Variants in NOL10 observed in about 807,000 individuals in gnomAD.
The protein encoded by NOL10 is nucleolar protein 10.
A neutral mutation model predicts 103.5 loss-of-function variants in NOL10; 58 were observed. The observed-to-expected ratio is 0.56, with a 90% confidence interval of 0.45 to 0.70. The LOEUF (loss-of-function observed/expected upper bound fraction) is 0.70. Among genes scored for constraint, NOL10 ranks in the 30% least tolerant of loss-of-function variants. The pLI is 0.00. For missense variants in NOL10, 763 were observed against 807.3 expected (o/e 0.95, Z 0.67); for synonymous variants, 287 against 282.5 (o/e 1.02, Z -0.16).
intron 13 of NOL10, among the ~76,000 whole-genome samples, chr2:10,636,893 A>C (rs1262040898): frequency 6.6e-6 from 1 of 152,082 alleles, no homozygotes; most frequent in Non-Finnish European, 1.5e-5. Context: ...TTGCACCTAA[A>C]TTTGTTTTTG....
At chr2:10,680,150 A>C (rs1360782003) in intron 3 of NOL10, among the ~76,000 whole-genome samples, 1 of 151,896 alleles carries the variant, frequency 6.6e-6, no homozygotes, top group Non-Finnish European at 1.5e-5. Flanking sequence ...GGTGGCGAGC[A>C]CCTGTAGTCC....
Position 10,668,672 on chromosome 2 carries a change from T to C in NOL10, c.516A>G (p.Leu172=), listed in dbSNP as rs746279914. 10 of 1,541,492 alleles carry C rather than the reference T, an allele frequency of 6.5e-6. No homozygotes were observed. The South Asian group carries it at 8.4e-5, about 13-fold the overall frequency. The change falls in exon 7 of 21, where the codon CTA becomes CTG. Residue 172 remains leucine (L), a synonymous_variant. Transcript: ENST00000381685. ...AAACTACTCACGCAGCATCAGTTTG[T>C]AGAGGATTCAGGTATCGTCCTTGTT... ...NLEQGRYLNP[L]QTDAAENNVC...
chr2:10,572,150 T>C lies in NOL10; in HGVS notation c.1988A>G (p.His663Arg). The stretch of plus-strand genomic sequence containing the variant: ...ACGGAGTCTTTTCCTTTCTTGTCGA[T>C]GCAGTTTCTCAGCCTCCTGTTGCTT... ...QKKQQEAEKL[H>R]RQERKRLRRS... is the part of the protein sequence containing the mutation. Residue 663 changes from histidine (H) to arginine (R), a missense_variant, in exon 21 of 21, where the codon CAT becomes CGT. Coordinates refer to ENST00000381685, the MANE Select transcript of NOL10 (RefSeq NM_024894.4). The C allele has an allele frequency of 2.5e-6, 4 of 1,613,978 alleles. No homozygotes were observed. Among genetic ancestry groups the C allele is most frequent in the Non-Finnish European group, 3.4e-6 (4 of 1,179,880 alleles).
chr2:10,623,345 C>T (rs1003177549), intron 13 of NOL10, among the ~76,000 whole-genome samples: 1 of 152,140 alleles, frequency 6.6e-6, no homozygotes, highest in South Asian at 2.1e-4. Flanking sequence ...ACAGACTGAA[C>T]GGACCGGGGC....
intron 17 of NOL10, among the ~76,000 whole-genome samples, chr2:10,594,377 G>A (rs1675554713): frequency 6.6e-6 from 1 of 152,150 alleles, no homozygotes; most frequent in Admixed American, 6.5e-5. Context: ...GAAGGTTCTT[G>A]TAATTCTCTG....
chr2:10,608,860 A>C (rs1035423428), intron 13 of NOL10, among the ~76,000 whole-genome samples: 2 of 152,212 alleles, frequency 1.3e-5, no homozygotes, highest in African/African-American at 4.8e-5. Flanking sequence ...GAGCATATAT[A>C]GTCTTCCACA....
intron 12 of NOL10, among the ~76,000 whole-genome samples, chr2:10,646,468 A>G (rs1679077903): frequency 6.6e-6 from 1 of 152,260 alleles, no homozygotes; most frequent in African/African-American, 2.4e-5. Context: ...ACACAACCAC[A>G]TACGGCTAAT....
intron 9 of NOL10, among the ~76,000 whole-genome samples, chr2:10,660,266 C>G (rs1680111520): frequency 6.6e-6 from 1 of 152,130 alleles, no homozygotes; most frequent in Admixed American, 6.6e-5. Context: ...TATACTTAAT[C>G]ATTTCTTTCA....
intron 17 of NOL10, among the ~76,000 whole-genome samples, chr2:10,596,198 C>T (rs2148175969): frequency 7.3e-6 from 1 of 136,820 alleles, no homozygotes; most frequent in South Asian, 2.3e-4. Context: ...AACAGTGATC[C>T]TCAACCTTTT....
At chr2:10,679,359 CAAA>C (rs535159833) in intron 3 of NOL10, among the ~76,000 whole-genome samples, 5 of 109,358 alleles carry the variant, frequency 4.6e-5, no homozygotes, top group Non-Finnish European at 6.0e-5. Flanking sequence ...AACTCTGCCT[CAAA>C]AAAAAAAAAA....
chr2:10,670,544 G>A (rs1358246914), intron 6 of NOL10, among the ~76,000 whole-genome samples: 1 of 152,114 alleles, frequency 6.6e-6, no homozygotes, highest in South Asian at 2.1e-4. Context: ...AGACCAGCCT[G>A]GCCAACAAGG....
chr2:10,605,440 T>C (rs1676201966), intron 14 of NOL10, among the ~76,000 whole-genome samples: 1 of 152,218 alleles, frequency 6.6e-6, no homozygotes, highest in African/African-American at 2.4e-5. Context: ...TATGGGGAAA[T>C]GATAAAAGCT....
At chr2:10,648,692 C>CTTAAAT (rs1679253132) in intron 12 of NOL10, among the ~76,000 whole-genome samples, 1 of 152,122 alleles carries the variant, frequency 6.6e-6, no homozygotes, top group Admixed American at 6.6e-5. Context: ...TTAATCTAAA[C>CTTAAAT]TTAATTAAGT....
intron 3 of NOL10, among the ~76,000 whole-genome samples, chr2:10,677,752 C>A (rs751763675): frequency 2.0e-5 from 3 of 151,928 alleles, no homozygotes; most frequent in African/African-American, 4.8e-5. Context: ...GAATTACAGG[C>A]GTGAGCCACC....
chr2:10,590,574 AAGGGACGTT>A lies in NOL10; in HGVS notation c.1423-832_1423-824del, dbSNP rs1572247165. On this transcript the variant is annotated intron_variant, in intron 17 of 20. Transcript: ENST00000381685. ...TTCCAGCTGAGTTACTGGGAAACAG[AAGGGACGTT>A]TCCATCCCCTACAGGGTTGTTTCAT... 2.5e-4 allele frequency among the ~76,000 whole-genome samples: 7 copies of A among 27,482 alleles called. No individual in the cohort carries two copies. In the East Asian group the frequency reaches 7.7e-3, roughly 30 times the overall value. The allele number at this position is 27,482 out of a possible 152,430, so 18.0% of individuals were successfully genotyped here. A position where few individuals can be genotyped will look rare whatever the true frequency, so the allele number is the denominator to read the frequency against.
intron 20 of NOL10, among the ~76,000 whole-genome samples, chr2:10,573,220 A>C (rs1168320694): frequency 6.6e-6 from 1 of 151,858 alleles, no homozygotes; most frequent in African/African-American, 2.4e-5. Context: ...TTTGAGATGG[A>C]GTCTTGCTCT....
At chr2:10,644,210 T>G in intron 13 of NOL10, 110 bp downstream of exon 13, 1 of 743,186 alleles carries the variant, frequency 1.3e-6, no homozygotes, top group South Asian at 2.2e-5. Context: ...GCTGCACCAC[T>G]GCACCCCAGC....
chr2:10,592,239 A>C (rs1675428166), intron 17 of NOL10, among the ~76,000 whole-genome samples: 1 of 152,226 alleles, frequency 6.6e-6, no homozygotes, highest in Admixed American at 6.5e-5. Context: ...CCAGCTATGG[A>C]GATGGGAGGG....
chr2:10,675,672 T>C, intron 4 of NOL10, 122 bp downstream of exon 4: 1 of 594,950 alleles, frequency 1.7e-6, no homozygotes. Context: ...ATCGGGATTG[T>C]AGTACAGTAA....
Sources: gnomAD v4.1 joint callset for allele counts (sites outside exome capture counted in the v4.1 genomes callset) on GRCh38, gnomAD v4.1.1 for gene constraint, MANE v1.5 for transcripts, NCBI Gene and HGNC (gene_info 2026-07-23, HGNC 2026-07-21) for gene names.